Variants in SOX5 observed in about 807,000 individuals in gnomAD.
SOX5 encodes transcription factor SOX-5.
SOX5 carries 9 observed loss-of-function variants against 92.0 expected under a neutral mutation model. That is an observed-to-expected ratio of 0.10 (90% CI 0.06 to 0.17). The LOEUF (loss-of-function observed/expected upper bound fraction) is 0.17, where lower values mean the gene tolerates loss of function less well. Among genes scored for constraint, SOX5 ranks in the 10% least tolerant of loss-of-function variants. The pLI is 1.00. For missense variants in SOX5, 642 were observed against 944.5 expected, an observed-to-expected ratio of 0.68 and a Z score of 4.20; for synonymous variants, 344 against 336.3, an observed-to-expected ratio of 1.02 and a Z score of -0.25.
intron 3 of SOX5, among the ~76,000 whole-genome samples, chr12:23,804,913 TTTTATATATA>T (rs1213719577): frequency 6.4e-5 from 7 of 109,334 alleles, no homozygotes; most frequent in African/African-American, 2.5e-4. Context: ...CCTATCATTG[TTTTATATATA>T]TATATATATA....
At chr12:24,314,452 AC>A (rs1182747529) in intron 2 of SOX5, among the ~76,000 whole-genome samples, 1 of 152,104 alleles carries the variant, frequency 6.6e-6, no homozygotes, top group Admixed American at 6.6e-5. Context: ...CCAATATGGC[AC>A]ATGTATACAT....
At chr12:24,133,006 T>C (rs1470201835) in intron 4 of SOX5, among the ~76,000 whole-genome samples, 1 of 152,204 alleles carries the variant, frequency 6.6e-6, no homozygotes, top group African/African-American at 2.4e-5. Flanking sequence ...AGCGCTGTTA[T>C]CCTTGGAGGT....
intron 4 of SOX5, among the ~76,000 whole-genome samples, chr12:24,146,669 T>G (rs7315125): frequency 0.9 from 135,356 of 150,794 alleles, 60,812 homozygotes; most frequent in East Asian, 0.99. Flanking sequence ...GAAAATTAAT[T>G]AAACTAAGAT....
At chr12:23,536,414 A>C (rs1330150485) in intron 14 of SOX5, 39 bp downstream of exon 14, 2 of 1,475,706 alleles carry the variant, frequency 1.4e-6, no homozygotes, top group Admixed American at 3.4e-5. Context: ...GTATAACAGG[A>C]AGTTTGCCCC....
At chr12:23,820,213 G>A (rs569291112) in intron 3 of SOX5, among the ~76,000 whole-genome samples, 4 of 152,118 alleles carry the variant, frequency 2.6e-5, no homozygotes, top group South Asian at 4.2e-4. Flanking sequence ...TTTTTTGGCC[G>A]CATAAATGTC....
intron 4 of SOX5, among the ~76,000 whole-genome samples, chr12:24,082,346 C>T (rs1042747986): frequency 5.1e-5 from 6 of 117,926 alleles, no homozygotes; most frequent in African/African-American, 1.6e-4. Flanking sequence ...GCTGCAGCCA[C>T]AAACAAACAA....
At chr12:24,208,137 T>C (rs1958212317) in intron 4 of SOX5, among the ~76,000 whole-genome samples, 1 of 152,160 alleles carries the variant, frequency 6.6e-6, no homozygotes, top group Admixed American at 6.5e-5. Context: ...ATCTGCACCC[T>C]GGTGTTACCA....
At chr12:23,724,178 T>C (rs540150627) in intron 6 of SOX5, among the ~76,000 whole-genome samples, 3 of 152,304 alleles carry the variant, frequency 2.0e-5, no homozygotes, top group East Asian at 1.9e-4. Context: ...CTAGAGATCA[T>C]CTGAATTAAA....
chr12:23,714,725 C>A (rs984148314), intron 6 of SOX5, among the ~76,000 whole-genome samples: 1 of 152,022 alleles, frequency 6.6e-6, no homozygotes, highest in East Asian at 1.9e-4. Context: ...ATTTAATATA[C>A]ATAAAAAGCC....
chr12:24,142,508 T>C (rs1950684280), intron 4 of SOX5, among the ~76,000 whole-genome samples: 1 of 151,896 alleles, frequency 6.6e-6, no homozygotes. Flanking sequence ...GGGTGGACAT[T>C]TTATAAAGAT....
chr12:24,013,867 C>T (rs76622439), intron 4 of SOX5, among the ~76,000 whole-genome samples: 7,586 of 152,184 alleles, frequency 0.05, 253 homozygotes, highest in Middle Eastern at 0.085. Context: ...ACATGAGATG[C>T]CCCATTTGGA....
At chr12:23,918,099 T>TC (rs2138689970) in intron 1 of SOX5, among the ~76,000 whole-genome samples, 1 of 152,332 alleles carries the variant, frequency 6.6e-6, no homozygotes, top group East Asian at 1.9e-4. Context: ...GTTTACTCTT[T>TC]CTTCATTCTT....
At chr12:23,836,255 T>G (rs983113503) in intron 3 of SOX5, among the ~76,000 whole-genome samples, 1 of 151,918 alleles carries the variant, frequency 6.6e-6, no homozygotes, top group African/African-American at 2.4e-5. Flanking sequence ...CAAAATATAA[T>G]GTAACTATGT....
chr12:23,670,161 AAAAC>A lies in SOX5; in HGVS notation c.811-4601_811-4598del, dbSNP rs1355351473. ...GATTGAGGGAGTAAACTAATTGTGA[AAAAC>A]AAACAAAACAAAAAGCAGAAAGTAT... is the stretch of plus-strand genomic sequence containing the variant. On this transcript the variant is annotated intron_variant, in intron 6 of 14. Transcript: ENST00000451604. 3.9e-5 allele frequency among the ~76,000 whole-genome samples: 6 copies of A among 152,206 alleles called. No individual in the cohort carries two copies. The East Asian group carries it at 5.8e-4, about 15-fold the overall frequency.
intron 4 of SOX5, among the ~76,000 whole-genome samples, chr12:23,992,377 C>A (rs1392127924): frequency 6.6e-6 from 1 of 152,092 alleles, no homozygotes; most frequent in African/African-American, 2.4e-5. Context: ...CTTGATCATA[C>A]TTACTTATAT....
chr12:24,099,613 C>T (rs80009597), intron 4 of SOX5, among the ~76,000 whole-genome samples: 6,216 of 152,146 alleles, frequency 0.041, 150 homozygotes, highest in Admixed American at 0.06. Flanking sequence ...TGCCAAAAAT[C>T]CTGGCAGTTG....
intron 4 of SOX5, among the ~76,000 whole-genome samples, chr12:24,149,150 T>C (rs1025464663): frequency 2.0e-5 from 3 of 151,766 alleles, no homozygotes; most frequent in Admixed American, 6.6e-5. Flanking sequence ...CAGAAGAAAA[T>C]CTTTGTGGTG....
chr12:23,696,611 T>G (rs1016047121), intron 6 of SOX5, among the ~76,000 whole-genome samples: 1 of 152,182 alleles, frequency 6.6e-6, no homozygotes, highest in Non-Finnish European at 1.5e-5. Flanking sequence ...TTTTTACTAC[T>G]CTTAATTTTT....
intron 1 of SOX5, among the ~76,000 whole-genome samples, chr12:24,412,216 G>C (rs1259531279): frequency 6.6e-6 from 1 of 151,974 alleles, no homozygotes; most frequent in African/African-American, 2.4e-5. Flanking sequence ...CTAGAAATTT[G>C]TCAATTTTAC....
Sources: gnomAD v4.1 joint callset for allele counts (sites outside exome capture counted in the v4.1 genomes callset) on GRCh38, gnomAD v4.1.1 for gene constraint, MANE v1.5 for transcripts, NCBI Gene and HGNC (gene_info 2026-07-23, HGNC 2026-07-21) for gene names.